Variants in LPAR1 observed in about 807,000 individuals in gnomAD.
LPAR1 encodes lysophosphatidic acid receptor 1.
A neutral mutation model predicts 23.8 loss-of-function variants in LPAR1; 5 were observed. The ratio of observed to expected loss-of-function variants is 0.21; its 90% confidence interval spans 0.11 to 0.44. The LOEUF is 0.44. Among genes scored for constraint, LPAR1 ranks in the 20% least tolerant of loss-of-function variants. The probability of loss-of-function intolerance (pLI) is 0.99; values close to 1 mark genes in which losing one functional copy is unlikely to be tolerated. For missense variants in LPAR1, 311 were observed against 482.8 expected, an observed-to-expected ratio of 0.64 and a Z score of 3.33; for synonymous variants, 160 against 164.7, an observed-to-expected ratio of 0.97 and a Z score of 0.22.
intron 2 of LPAR1, among the ~76,000 whole-genome samples, chr9:111,005,071 AG>A (rs1299286607): frequency 6.6e-6 from 1 of 151,358 alleles, no homozygotes; most frequent in African/African-American, 2.4e-5. Context: ...CTAAAGCGCA[AG>A]CATTGGTTGA....
intron 5 of LPAR1, among the ~76,000 whole-genome samples, chr9:110,920,653 T>C (rs866523047): frequency 3.9e-5 from 6 of 152,176 alleles, no homozygotes; most frequent in Admixed American, 3.9e-4. Flanking sequence ...AAACTACAAG[T>C]CCTAGGTTAG....
chr9:111,036,699 C>T (rs1366036159), intron 1 of LPAR1, among the ~76,000 whole-genome samples: 2 of 152,162 alleles, frequency 1.3e-5, no homozygotes, highest in Non-Finnish European at 2.9e-5. Flanking sequence ...ATGATGACAA[C>T]CCAGCCTTCC....
At chr9:110,977,337 G>C (rs907747796) in intron 2 of LPAR1, among the ~76,000 whole-genome samples, 4 of 152,160 alleles carry the variant, frequency 2.6e-5, no homozygotes, top group African/African-American at 7.2e-5. Flanking sequence ...AGGTGGCCAT[G>C]ATGACTACCA....
At chr9:110,987,175 A>G (rs1425064522) in intron 2 of LPAR1, among the ~76,000 whole-genome samples, 1 of 152,026 alleles carries the variant, frequency 6.6e-6, no homozygotes, top group East Asian at 1.9e-4. Flanking sequence ...GCTTAATGCA[A>G]TATCATGTAT....
Position 110,940,877 on chromosome 9 carries a change from T to G in LPAR1, c.793+544A>C, listed in dbSNP as rs116117146. Reference sequence around the variant, plus strand: ...CTACAAATAGAAAATTAATAGAAAATAAGGAAGTTTTCATGAAGATGACTG... The same window carrying G: ...CTACAAATAGAAAATTAATAGAAAAGAAGGAAGTTTTCATGAAGATGACTG... On this transcript the variant is annotated intron_variant, in intron 5 of 5. Transcript: ENST00000683809. Among the ~76,000 whole-genome samples, 1,068 of 152,172 alleles carry G rather than the reference T, an allele frequency of 7.0e-3. 15 individuals carry two copies. The highest frequency in any genetic ancestry group is 0.024 in the African/African-American group (1,015 of 41,506).
At chr9:110,991,703 G>A (rs1298180360) in intron 2 of LPAR1, among the ~76,000 whole-genome samples, 8 of 152,004 alleles carry the variant, frequency 5.3e-5, no homozygotes, top group Non-Finnish European at 1.0e-4. Context: ...CCGCCTCCCA[G>A]GTTCGAGCAA....
intron 1 of LPAR1, among the ~76,000 whole-genome samples, chr9:111,036,568 G>T (rs1241421787): frequency 6.6e-6 from 1 of 152,058 alleles, no homozygotes; most frequent in Non-Finnish European, 1.5e-5. Flanking sequence ...AAGCTGGAAG[G>T]AACAGCAACG....
chr9:111,021,690 G>A (rs974366731), intron 2 of LPAR1, among the ~76,000 whole-genome samples: 2 of 152,188 alleles, frequency 1.3e-5, no homozygotes, highest in Non-Finnish European at 2.9e-5. Flanking sequence ...GCCAGTTGCC[G>A]TGGCTCACGC....
Position 111,038,345 on chromosome 9 carries a change from G to C in LPAR1, c.-440C>G, listed in dbSNP as rs890142452. ...CCCACCCCGCCGGGGTCCCGTGCTC[G>C]GCCGGGCGGCGGGGAGGGCTCCGCG... is the stretch of plus-strand genomic sequence containing the variant. On this transcript the variant is annotated 5_prime_UTR_variant, in exon 1 of 6. Coordinates refer to ENST00000683809, the MANE Select transcript of LPAR1 (RefSeq NM_001351411.2). This position sits in a 1 kb window ranked among gnomAD's most constrained non-coding sequence, Gnocchi z 4.4. 1 of 151,648 alleles carries C rather than the reference G, an allele frequency of 6.6e-6. No individual in the cohort carries two copies. Among genetic ancestry groups the C allele is most frequent in the Non-Finnish European group, 1.5e-5 (1 of 68,840 alleles). 9.4% of individuals were successfully genotyped at this position (151,648 alleles called of 1,614,324 possible). A position where few individuals can be genotyped will look rare whatever the true frequency, so the allele number is the denominator to read the frequency against.
At position 110,885,924 on chromosome 9, in the gene LPAR1, G is replaced by C. The variant is rs56365207; in HGVS notation, c.794-10202C>G. Among the ~76,000 whole-genome samples, 384 of 152,250 alleles carry C rather than the reference G, an allele frequency of 2.5e-3. 1 individual carries two copies. The highest frequency in any genetic ancestry group is 8.8e-3 in the African/African-American group (366 of 41,552). Reference sequence around the variant, plus strand: ...CTAAAAATACAAAATTAGGCTGGGCGTGGTGGCTCATGCCTGTAATTCCAG... The same window carrying C: ...CTAAAAATACAAAATTAGGCTGGGCCTGGTGGCTCATGCCTGTAATTCCAG... On this transcript the variant is annotated intron_variant, in intron 5 of 5. Transcript: ENST00000683809.
intron 2 of LPAR1, among the ~76,000 whole-genome samples, chr9:111,013,278 A>G (rs2097369440): frequency 6.6e-6 from 1 of 152,180 alleles, no homozygotes; most frequent in African/African-American, 2.4e-5. Flanking sequence ...CTACCACAAA[A>G]CTAAATCTGA....
At chr9:110,892,190 A>C (rs1363785319) in intron 5 of LPAR1, among the ~76,000 whole-genome samples, 1 of 152,254 alleles carries the variant, frequency 6.6e-6, no homozygotes, top group African/African-American at 2.4e-5. Flanking sequence ...AATCAATGGA[A>C]TACTAGTCTG....
intron 2 of LPAR1, among the ~76,000 whole-genome samples, chr9:111,028,736 G>C (rs61221131): frequency 6.6e-6 from 1 of 151,450 alleles, no homozygotes; most frequent in Admixed American, 6.6e-5. Context: ...AAACCTTTAC[G>C]AGTTTCTCAA....
chr9:110,883,006 G>A (rs2081296788), intron 5 of LPAR1, among the ~76,000 whole-genome samples: 2 of 152,060 alleles, frequency 1.3e-5, no homozygotes, highest in Non-Finnish European at 2.9e-5. Flanking sequence ...TGTCTTGTTT[G>A]GGGGCTACTG....
intron 4 of LPAR1, among the ~76,000 whole-genome samples, chr9:110,964,819 T>C (rs1326289188): frequency 6.7e-6 from 1 of 150,294 alleles, no homozygotes; most frequent in Non-Finnish European, 1.5e-5. Flanking sequence ...CAAAAAAAAG[T>C]GTCTTCCAAA....
chr9:111,009,976 T>A (rs940797087), intron 2 of LPAR1, among the ~76,000 whole-genome samples: 1 of 147,242 alleles, frequency 6.8e-6, no homozygotes, highest in Non-Finnish European at 1.5e-5. Flanking sequence ...CATATTTTCA[T>A]TTCTCATTTC....
At chr9:111,033,676 TGAG>T (rs1329216552) in intron 2 of LPAR1, among the ~76,000 whole-genome samples, 4 of 152,138 alleles carry the variant, frequency 2.6e-5, no homozygotes, top group African/African-American at 7.2e-5. Flanking sequence ...CTCAGCCTCC[TGAG>T]TAGCTGGGAT....
chr9:111,038,170 C>T lies in LPAR1; in HGVS notation c.-265G>A, dbSNP rs1433006616. The T allele has an allele frequency of 6.7e-6, 1 of 150,332 alleles. No individual in the cohort carries two copies. The highest frequency in any genetic ancestry group is 1.5e-5 in the Non-Finnish European group (1 of 67,442). 9.3% of individuals were successfully genotyped at this position (150,332 alleles called of 1,614,324 possible). A position where few individuals can be genotyped will look rare whatever the true frequency, so the allele number is the denominator to read the frequency against. On this transcript the variant is annotated 5_prime_UTR_variant, in exon 1 of 6. Coordinates refer to ENST00000683809, the MANE Select transcript of LPAR1 (RefSeq NM_001351411.2). The surrounding 1 kb of genome is among the most constrained non-coding windows in gnomAD (Gnocchi z 4.4). ...CACGCCGCGCCGGCCCCCTTACCTG[C>T]GCTCGCTGCCGCCGCGCGTCCCTCT... is the stretch of plus-strand genomic sequence containing the variant.
At position 110,941,877 on chromosome 9, in the gene LPAR1, T is replaced by C; in HGVS notation, c.337A>G (p.Thr113Ala). 6.2e-7 allele frequency: 1 copy of C among 1,614,108 alleles called. No homozygotes were observed. The highest frequency in any genetic ancestry group is 8.5e-7 in the Non-Finnish European group (1 of 1,180,010). ...FYLMFNTGPN[T>A]RRLTVSTWLL... ...CATGTGCTAACAGTCAGTCTCCGAGTATTGGGTCCTGTGTTGAACATGAGA... is the reference window on the plus strand; with the variant it reads ...CATGTGCTAACAGTCAGTCTCCGAGCATTGGGTCCTGTGTTGAACATGAGA... Residue 113 changes from threonine (T) to alanine (A), a missense_variant, in exon 5 of 6, where the codon ACT (threonine) becomes GCT (alanine). Thr to Ala is a moderately conservative substitution (Grantham distance 58). Around this residue, in one of 2 missense-constraint regions of LPAR1, gnomAD observed 250 missense variants for 427.2 expected, o/e 0.59. Coordinates refer to ENST00000683809, the MANE Select transcript of LPAR1 (RefSeq NM_001351411.2). This position sits in a 1 kb window ranked among gnomAD's most constrained non-coding sequence, Gnocchi z 6.1.
Sources: gnomAD v4.1 joint callset for allele counts (sites outside exome capture counted in the v4.1 genomes callset) on GRCh38, gnomAD v4.1.1 for gene constraint, gnomAD v4.1.1 regional missense constraint, Gnocchi (gnomAD v3.1) non-coding constraint, MANE v1.5 for transcripts, NCBI Gene and HGNC (gene_info 2026-07-23, HGNC 2026-07-21) for gene names.